NDUFAF6: variants seen among roughly 807,000 people sequenced by gnomAD.
NDUFAF6 encodes NADH:ubiquinone oxidoreductase complex assembly factor 6.
In NDUFAF6, 45 loss-of-function variants were observed where a neutral mutation model predicts 40.8. The observed-to-expected ratio is 1.10, with a 90% confidence interval of 0.87 to 1.42. The LOEUF (loss-of-function observed/expected upper bound fraction) is 1.42. NDUFAF6 is among the 40% of genes most tolerant of loss of function. The pLI is 0.00. For synonymous variants in NDUFAF6, 185 were observed against 155.9 expected, an observed-to-expected ratio of 1.19 and a Z score of -1.39; for missense variants, 435 against 418.5, an observed-to-expected ratio of 1.04 and a Z score of -0.34.
rs1471256364 is a variant in NDUFAF6 at position 95,055,849 on chromosome 8, T to C, written c.874-1960T>C. On this transcript the variant is annotated intron_variant, in intron 8 of 8. Transcript: ENST00000396124. Reference sequence around the variant, plus strand: ...CAATGTATAGCATAATAAACACCGATGAACTTACCACTCGAGCCAGGAACT... The same window carrying C: ...CAATGTATAGCATAATAAACACCGACGAACTTACCACTCGAGCCAGGAACT... Among the ~76,000 whole-genome samples the C allele has an allele frequency of 3.9e-5, 6 of 152,218 alleles. No homozygotes were observed. The East Asian group carries it at 1.2e-3, about 29-fold the overall frequency.
chr8:94,951,802 C>T (rs1822645965), intron 2 of NDUFAF6, among the ~76,000 whole-genome samples: 1 of 152,246 alleles, frequency 6.6e-6, no homozygotes, highest in Admixed American at 6.5e-5. Flanking sequence ...CCCACTGCCT[C>T]CCTTCCTGGT....
intron 1 of NDUFAF6, chr8:94,940,858 A>G (rs754770651): frequency 1.2e-6 from 2 of 1,613,632 alleles, no homozygotes; most frequent in Non-Finnish European, 1.7e-6. Flanking sequence ...TCCATTCATC[A>G]TCTTCTTTCT....
chr8:95,013,065 G>T lies in NDUFAF6; in HGVS notation c.-83-18930G>T, dbSNP rs551917441. ...TTCTATTTTCAAAGGAATGGTACTT[G>T]TAAGTTTGTGATAGAGATATGGTTT... On this transcript the variant is annotated intron_variant, in intron 2 of 9. Coordinates refer to the NDUFAF6 transcript ENST00000396111. Among the ~76,000 whole-genome samples, 8 of 151,932 alleles carry T rather than the reference G, an allele frequency of 5.3e-5. No individual in the cohort carries two copies. In the South Asian group the frequency reaches 1.7e-3, roughly 32 times the overall value.
chr8:95,026,526 G>A (rs1563799740), intron 1 of NDUFAF6, among the ~76,000 whole-genome samples: 2 of 152,070 alleles, frequency 1.3e-5, no homozygotes, highest in Non-Finnish European at 2.9e-5. Flanking sequence ...AAACAAGATA[G>A]CAGTAATGGA....
At chr8:95,117,259 A>T (rs1347180687), downstream of NDUFAF6, among the ~76,000 whole-genome samples, 2 of 152,202 alleles carry the variant, frequency 1.3e-5, no homozygotes, top group Non-Finnish European at 2.9e-5. Context: ...GAGGCAAAAA[A>T]TACCAACACT....
At position 94,940,071 on chromosome 8, in the gene NDUFAF6, C is replaced by G; in HGVS notation, c.-935-5412C>G. On this transcript the variant is annotated intron_variant, in intron 1 of 14. Coordinates refer to the NDUFAF6 transcript ENST00000396113. ...CAGCTCTCCTCCATTGGACATGACT[C>G]AAACTGGAGAAAGCAGGAATCACTT... 1 of 1,614,208 alleles carries G rather than the reference C, an allele frequency of 6.2e-7. No individual in the cohort carries two copies. Among genetic ancestry groups the G allele is most frequent in the Non-Finnish European group, 8.5e-7 (1 of 1,180,038 alleles).
chr8:95,036,847 TTGG>T (rs1355903554), intron 3 of NDUFAF6, among the ~76,000 whole-genome samples: 1 of 152,236 alleles, frequency 6.6e-6, no homozygotes, highest in Non-Finnish European at 1.5e-5. Flanking sequence ...ATGGTTAATG[TTGG>T]CTGGCTTTCT....
At chr8:94,931,722 C>A (rs911460184) in intron 1 of NDUFAF6, among the ~76,000 whole-genome samples, 1 of 152,116 alleles carries the variant, frequency 6.6e-6, no homozygotes, top group Admixed American at 6.6e-5. Flanking sequence ...CTCTTGTAAT[C>A]CCAACACTTT....
At chr8:94,953,420 C>T (rs1050837134), upstream of NDUFAF6, among the ~76,000 whole-genome samples, 4 of 151,960 alleles carry the variant, frequency 2.6e-5, no homozygotes, top group African/African-American at 9.7e-5. Context: ...GGTCTAGAGA[C>T]ATGATACAGA....
At chr8:94,971,956 A>G (rs1457605090) in intron 1 of NDUFAF6, among the ~76,000 whole-genome samples, 2 of 152,228 alleles carry the variant, frequency 1.3e-5, no homozygotes, top group East Asian at 1.9e-4. Flanking sequence ...CTCAAAAAAA[A>G]TTCTGACTCA....
intron 1 of NDUFAF6, among the ~76,000 whole-genome samples, chr8:94,969,086 C>G (rs1306136937): frequency 6.6e-6 from 1 of 152,026 alleles, no homozygotes; most frequent in Non-Finnish European, 1.5e-5. Context: ...GTCTGGAGTT[C>G]CGATGAGAGG....
intron 3 of NDUFAF6, chr8:95,036,484 G>A (rs898824305): frequency 1.6e-6 from 2 of 1,289,392 alleles, no homozygotes; most frequent in Middle Eastern, 2.1e-4. Context: ...AGAAAAAGTG[G>A]ATGGGAAGCT....
At chr8:95,094,611 C>T (rs1432096338) in intron 2 of NDUFAF6, among the ~76,000 whole-genome samples, 2 of 151,252 alleles carry the variant, frequency 1.3e-5, no homozygotes, top group East Asian at 2.0e-4. Flanking sequence ...TATGGGGTTT[C>T]ACCATGTTGG....
At chr8:94,960,558 A>C (rs183725489) in intron 1 of NDUFAF6, among the ~76,000 whole-genome samples, 2 of 152,232 alleles carry the variant, frequency 1.3e-5, no homozygotes, top group African/African-American at 4.8e-5. Context: ...TGCTTGGTGC[A>C]CAGACAATGA....
chr8:95,083,400 T>A (rs1808940669), intron 2 of NDUFAF6, among the ~76,000 whole-genome samples: 1 of 152,248 alleles, frequency 6.6e-6, no homozygotes, highest in South Asian at 2.1e-4. Context: ...ATCTGTTTAA[T>A]TCTTGAGCTC....
At chr8:94,969,512 G>T (rs922634748) in intron 1 of NDUFAF6, among the ~76,000 whole-genome samples, 2 of 152,152 alleles carry the variant, frequency 1.3e-5, no homozygotes, top group Non-Finnish European at 2.9e-5. Flanking sequence ...CTGGTGGTGC[G>T]TGTCTGTAAT....
chr8:94,964,518 A>G (rs1222341033), intron 1 of NDUFAF6, among the ~76,000 whole-genome samples: 2 of 151,922 alleles, frequency 1.3e-5, no homozygotes, highest in African/African-American at 4.8e-5. Flanking sequence ...TGCAGGCTGT[A>G]TAAGAAGCAC....
At chr8:95,095,971 G>A (rs192690342), upstream of NDUFAF6, among the ~76,000 whole-genome samples, 7 of 152,094 alleles carry the variant, frequency 4.6e-5, no homozygotes, top group East Asian at 1.9e-4. Flanking sequence ...GGCTGATTTC[G>A]CTGTTTTTGA....
At chr8:94,947,330 T>TA (rs1051992843) in intron 2 of NDUFAF6, among the ~76,000 whole-genome samples, 1 of 150,986 alleles carries the variant, frequency 6.6e-6, no homozygotes, top group African/African-American at 2.4e-5. Context: ...AACTTCTAAA[T>TA]CTGTGTACAG....
Sources: allele counts gnomAD v4.1 joint callset (sites outside exome capture counted in the v4.1 genomes callset), GRCh38; gene constraint gnomAD v4.1.1; transcripts MANE v1.5; gene names NCBI Gene and HGNC (gene_info 2026-07-23, HGNC 2026-07-21).